KAZN: variants seen among roughly 807,000 people sequenced by gnomAD.
KAZN encodes the protein kazrin, periplakin interacting protein.
KAZN carries 40 observed loss-of-function variants against 87.4 expected under a neutral mutation model. The observed-to-expected ratio is 0.46, with a 90% CI of 0.36 to 0.60. The LOEUF (loss-of-function observed/expected upper bound fraction) is 0.60, where lower values mean the gene tolerates loss of function less well. KAZN is among the 20% of genes least tolerant of loss of function. The probability of loss-of-function intolerance (pLI) is 0.00; values close to 1 mark genes in which losing one functional copy is unlikely to be tolerated. For missense variants in KAZN, 898 were observed against 1,073.9 expected, an observed-to-expected ratio of 0.84 and a Z score of 2.29; for synonymous variants, 466 against 458.3, an observed-to-expected ratio of 1.02 and a Z score of -0.22.
chr1:15,091,018 G>T (rs532207154), intron 8 of KAZN, among the ~76,000 whole-genome samples: 2 of 152,254 alleles, frequency 1.3e-5, no homozygotes, highest in South Asian at 4.2e-4. Context: ...TTGAAAAAGT[G>T]AGATTTCTAG....
At chr1:14,685,726 C>T (rs188424082) in intron 1 of KAZN, among the ~76,000 whole-genome samples, 2 of 152,116 alleles carry the variant, frequency 1.3e-5, no homozygotes, top group Admixed American at 6.5e-5. Context: ...TAGTTAGATA[C>T]GGTCAAGACA....
intron 2 of KAZN, among the ~76,000 whole-genome samples, chr1:14,445,066 C>G (rs1666908165): frequency 6.6e-6 from 1 of 151,804 alleles, no homozygotes; most frequent in Non-Finnish European, 1.5e-5. Context: ...TGCTCTGCCA[C>G]CCAGGCTGGA....
At chr1:13,963,866 A>G (rs1641849143) in intron 1 of KAZN, among the ~76,000 whole-genome samples, 1 of 151,828 alleles carries the variant, frequency 6.6e-6, no homozygotes, top group Admixed American at 6.6e-5. Flanking sequence ...GTTAGATATC[A>G]TACCTGTGTT....
At chr1:14,115,861 G>A (rs976056551) in intron 1 of KAZN, among the ~76,000 whole-genome samples, 53 of 152,168 alleles carry the variant, frequency 3.5e-4, no homozygotes, top group Non-Finnish European at 6.8e-4. Flanking sequence ...GGTCTCAGAC[G>A]GAAATAAGGA....
At chr1:14,025,009 A>T (rs1454262219) in intron 1 of KAZN, among the ~76,000 whole-genome samples, 2 of 152,220 alleles carry the variant, frequency 1.3e-5, no homozygotes, top group African/African-American at 4.8e-5. Context: ...ATTAGGTCAG[A>T]TCAAAGCACA....
intron 1 of KAZN, among the ~76,000 whole-genome samples, chr1:14,948,886 G>T (rs138499840): frequency 6.6e-6 from 1 of 152,244 alleles, no homozygotes; most frequent in Non-Finnish European, 1.5e-5. Context: ...GCCAGTCATG[G>T]TGGCTCATGC....
At chr1:14,055,841 TGGA>T (rs1642529853) in intron 1 of KAZN, among the ~76,000 whole-genome samples, 1 of 152,216 alleles carries the variant, frequency 6.6e-6, no homozygotes. Context: ...GGATGTGTTC[TGGA>T]CTTAATTTTG....
chr1:14,520,890 T>C (rs566602012), intron 2 of KAZN, among the ~76,000 whole-genome samples: 1 of 152,326 alleles, frequency 6.6e-6, no homozygotes, highest in East Asian at 1.9e-4. Flanking sequence ...TGCAGCAAAC[T>C]GTTCATCCAT....
At chr1:14,186,495 A>G (rs1646309527) in intron 2 of KAZN, among the ~76,000 whole-genome samples, 1 of 152,180 alleles carries the variant, frequency 6.6e-6, no homozygotes, top group Admixed American at 6.5e-5. Flanking sequence ...TCAAAAGCTT[A>G]AAAGCAATTG....
At chr1:14,940,324 G>A (rs763930068) in intron 1 of KAZN, among the ~76,000 whole-genome samples, 1 of 152,198 alleles carries the variant, frequency 6.6e-6, no homozygotes, top group Non-Finnish European at 1.5e-5. Flanking sequence ...TTCGTTTTAA[G>A]CATTCACTCA....
intron 2 of KAZN, among the ~76,000 whole-genome samples, chr1:14,385,696 G>A (rs1349907482): frequency 1.3e-5 from 2 of 151,598 alleles, no homozygotes. Context: ...TATAATTTCT[G>A]TTCTTTTACA....
At chr1:14,808,856 A>C (rs1233751691) in intron 1 of KAZN, among the ~76,000 whole-genome samples, 2 of 152,122 alleles carry the variant, frequency 1.3e-5, no homozygotes, top group East Asian at 3.9e-4. Flanking sequence ...ACTGACATTC[A>C]TTCTGTATTT....
chr1:14,552,670 A>G (rs533414467), intron 2 of KAZN, among the ~76,000 whole-genome samples: 3 of 152,338 alleles, frequency 2.0e-5, no homozygotes, highest in African/African-American at 7.2e-5. Flanking sequence ...TGAGCATTCC[A>G]AGGGGGTGAG....
chr1:14,367,177 T>C (rs1660071587), intron 2 of KAZN, among the ~76,000 whole-genome samples: 1 of 152,078 alleles, frequency 6.6e-6, no homozygotes, highest in Non-Finnish European at 1.5e-5. Flanking sequence ...TGCAGTGAAC[T>C]AAGATCACAC....
chr1:13,998,132 A>T (rs1044827146), intron 1 of KAZN, among the ~76,000 whole-genome samples: 2 of 152,354 alleles, frequency 1.3e-5, no homozygotes, highest in East Asian at 3.9e-4. Flanking sequence ...TAAGCTTCAT[A>T]AGCAAAGGAG....
Position 14,773,754 on chromosome 1 carries a change from C to T in KAZN, c.226+174531C>T, listed in dbSNP as rs956999564. On this transcript the variant is annotated intron_variant, in intron 1 of 14. Transcript: ENST00000376030. The surrounding 1 kb of genome is among the most constrained non-coding windows in gnomAD (Gnocchi z 5.9). ...ATGAGGCCTCTGTGGCCTGGGCTTC[C>T]GGGGCTGCCATCTCTAATGAACTCA... is the stretch of plus-strand genomic sequence containing the variant. 7.9e-5 allele frequency among the ~76,000 whole-genome samples: 12 copies of T among 152,084 alleles called. No homozygotes were observed. Among genetic ancestry groups the T allele is most frequent in the Non-Finnish European group, 1.2e-4 (8 of 68,010 alleles).
chr1:14,998,113 GA>G (rs1668083315), intron 2 of KAZN, among the ~76,000 whole-genome samples: 9 of 152,006 alleles, frequency 5.9e-5, no homozygotes, highest in African/African-American at 2.2e-4. Context: ...CAGTGGATGG[GA>G]ACTGCCCCAG....
intron 2 of KAZN, among the ~76,000 whole-genome samples, chr1:14,420,449 C>T (rs1231515682): frequency 6.6e-6 from 1 of 152,222 alleles, no homozygotes; most frequent in Non-Finnish European, 1.5e-5. Context: ...CCACCGGAGC[C>T]ACGGGGGGAG....
chr1:14,348,572 T>C (rs139657151), intron 2 of KAZN, among the ~76,000 whole-genome samples: 1 of 152,326 alleles, frequency 6.6e-6, no homozygotes, highest in East Asian at 1.9e-4. Context: ...GAATCTGAGA[T>C]ATGATAAACG....
Sources: gnomAD v4.1 joint callset for allele counts (sites outside exome capture counted in the v4.1 genomes callset) on GRCh38, gnomAD v4.1.1 for gene constraint, Gnocchi (gnomAD v3.1) non-coding constraint, MANE v1.5 for transcripts, NCBI Gene and HGNC (gene_info 2026-07-23, HGNC 2026-07-21) for gene names.